Variants in AKNAD1 observed in about 807,000 individuals in gnomAD.
AKNAD1 encodes the protein AKNA domain containing 1.
A neutral mutation model predicts 90.8 loss-of-function variants in AKNAD1; 67 were observed. The observed-to-expected ratio is 0.74, with a 90% CI of 0.61 to 0.90. The LOEUF (loss-of-function observed/expected upper bound fraction) is 0.90, where lower values mean the gene tolerates loss of function less well. Ranked by LOEUF, AKNAD1 falls within the 40% of genes least tolerant of loss-of-function variation. AKNAD1 has a pLI of 0.00. For missense variants in AKNAD1, 957 were observed against 975.4 expected (o/e 0.98, Z 0.25); for synonymous variants, 327 against 341.4 (o/e 0.96, Z 0.46).
chr1:108,821,353 A>C (rs758317890), intron 13 of AKNAD1, among the ~76,000 whole-genome samples: 70 of 152,236 alleles, frequency 4.6e-4, no homozygotes, highest in Admixed American at 2.3e-3. Flanking sequence ...TGGGAGACTG[A>C]GGCATGAGAG....
At chr1:108,833,723 GTT>G (rs34193731) in intron 9 of AKNAD1, among the ~76,000 whole-genome samples, 4,495 of 143,752 alleles carry the variant, frequency 0.031, 225 homozygotes, top group African/African-American at 0.11. Flanking sequence ...TTTTCCCATG[GTT>G]TTTTTTTTTT....
chr1:108,838,704 A>G (rs1232736434), intron 6 of AKNAD1, among the ~76,000 whole-genome samples: 2 of 152,180 alleles, frequency 1.3e-5, no homozygotes, highest in Admixed American at 6.5e-5. Context: ...TGAAAAACAA[A>G]TAACATTAAG....
chr1:108,818,981 A>C (rs1663724387), intron 14 of AKNAD1, among the ~76,000 whole-genome samples: 1 of 150,790 alleles, frequency 6.6e-6, no homozygotes, highest in South Asian at 2.1e-4. Flanking sequence ...AAAAAAAAAA[A>C]CCAAGAAGTC....
Position 108,835,004 on chromosome 1 carries a change from C to A in AKNAD1, c.1589G>T (p.Ser530Ile). The change falls in exon 8 of 16, where the codon AGT becomes ATT. Residue 530 changes from serine (S) to isoleucine (I), a missense_variant. Physicochemically the swap from Ser to Ile is moderately radical, Grantham distance 142. Transcript: ENST00000370001. ...TCCTTGGGGTGTCCCTGTTACCTCA[C>A]TCCCACCTGAGCCTCGAGGCCCAGA... Reference protein sequence around the residue: ...HPSGPRGSGGSEVTGTPQGGP... With the variant: ...HPSGPRGSGGIEVTGTPQGGP... The A allele has an allele frequency of 6.4e-7, 1 of 1,568,988 alleles. No homozygotes were observed. Among genetic ancestry groups the A allele is most frequent in the Admixed American group, 2.1e-5 (1 of 47,980 alleles).
At chr1:108,831,910 A>G (rs1313439275) in intron 9 of AKNAD1, among the ~76,000 whole-genome samples, 1 of 151,962 alleles carries the variant, frequency 6.6e-6, no homozygotes, top group African/African-American at 2.4e-5. Context: ...TTTAATTGTG[A>G]GTAATTGTGT....
At chr1:108,855,277 G>T (rs1664997537) in intron 1 of AKNAD1, among the ~76,000 whole-genome samples, 1 of 152,130 alleles carries the variant, frequency 6.6e-6, no homozygotes, top group Non-Finnish European at 1.5e-5. Flanking sequence ...GCTGGGCGTG[G>T]TGGCGCACAC....
intron 13 of AKNAD1, among the ~76,000 whole-genome samples, chr1:108,821,423 C>T (rs867661966): frequency 6.6e-6 from 1 of 151,830 alleles, no homozygotes; most frequent in Non-Finnish European, 1.5e-5. Context: ...TGCACTCCAG[C>T]CTGGGTGACA....
rs372858211 is a variant in AKNAD1, at chr1:108,823,862, C to G, written c.1937-174G>C. ...CAGCCTGGGGTAACATTTGGGATTC[C>G]CTTCTGACAACTGAGAAATGTTTTG... On this transcript the variant is annotated intron_variant, in intron 11 of 15. Transcript: ENST00000370001. 4.6e-5 allele frequency among the ~76,000 whole-genome samples: 7 copies of G among 152,206 alleles called. No individual in the cohort carries two copies. The South Asian group carries it at 1.2e-3, about 27-fold the overall frequency.
chr1:108,837,796 A>G (rs1664431132), intron 6 of AKNAD1, 90 bp from the exon 7 acceptor site: 1 of 1,367,064 alleles, frequency 7.3e-7, no homozygotes, highest in South Asian at 1.3e-5. Context: ...GCATTGATTT[A>G]TATTATTAAT....
At chr1:108,843,312 T>A in intron 5 of AKNAD1, 45 bp from the exon 6 acceptor site, 1 of 1,602,332 alleles carries the variant, frequency 6.2e-7, no homozygotes, top group South Asian at 1.1e-5. Context: ...CAAGCCTGTG[T>A]GTGTAATTGT....
At chr1:108,833,199 G>GA (rs1214103320) in intron 9 of AKNAD1, among the ~76,000 whole-genome samples, 3 of 152,134 alleles carry the variant, frequency 2.0e-5, no homozygotes, top group Non-Finnish European at 4.4e-5. Flanking sequence ...AACATTAAAT[G>GA]AAAAGCATAA....
In AKNAD1 at chr1:108,850,199, A is replaced by T. The variant is rs541499527; in HGVS notation, c.994-623T>A. Among the ~76,000 whole-genome samples, 3 of 152,370 alleles carry T rather than the reference A, an allele frequency of 2.0e-5. No individual in the cohort carries two copies. The East Asian group carries it at 5.8e-4, about 29-fold the overall frequency. ...GGGGTCTTTCCTTTGTTCCCAACAC[A>T]TAAAGCTCAGAAACACGCTAGTGCT... On this transcript the variant is annotated intron_variant, in intron 2 of 15. Transcript: ENST00000370001.
intron 7 of AKNAD1, 73 bp from the exon 8 acceptor site, chr1:108,835,129 A>T: frequency 6.6e-7 from 1 of 1,521,542 alleles, no homozygotes; most frequent in Non-Finnish European, 8.8e-7. Flanking sequence ...TCAGTTCAGC[A>T]TCCCTACAGC....
At chr1:108,822,350 G>C (rs1006235762) in intron 13 of AKNAD1, among the ~76,000 whole-genome samples, 5 of 152,166 alleles carry the variant, frequency 3.3e-5, no homozygotes, top group African/African-American at 1.2e-4. Flanking sequence ...TTAGCTAATG[G>C]AGTTCAAGAT....
chr1:108,834,161 T>TA (rs138757459), intron 9 of AKNAD1, among the ~76,000 whole-genome samples: 1,773 of 152,202 alleles, frequency 0.012, 21 homozygotes, highest in Non-Finnish European at 0.02. Context: ...GCCCCAAACT[T>TA]ACTGATTCAG....
intron 1 of AKNAD1, among the ~76,000 whole-genome samples, chr1:108,856,082 A>G (rs72697202): frequency 0.12 from 18,743 of 151,742 alleles, 1,268 homozygotes; most frequent in Middle Eastern, 0.16. Context: ...CGAACTCCTG[A>G]GCACAAGTAA....
chr1:108,832,760 A>G (rs1664250210), intron 9 of AKNAD1, among the ~76,000 whole-genome samples: 1 of 152,198 alleles, frequency 6.6e-6, no homozygotes, highest in African/African-American at 2.4e-5. Flanking sequence ...AGTTTCAAAA[A>G]TAGCAAGATT....
chr1:108,852,137 C>G lies in AKNAD1; in HGVS notation c.528G>C (p.Arg176Ser), dbSNP rs1212674940. Residue 176 changes from arginine (R) to serine (S), a missense_variant, in exon 2 of 16, where the codon AGG becomes AGC. Physicochemically the swap from Arg to Ser is moderately radical, Grantham distance 110. Transcript: ENST00000370001. ...PELTDQLNPK[R>S]DGENSNKPGS... ...CAGGCTTATTGCTGTTTTCACCATCCCTTTTCGGGTTGAGTTGGTCAGTGA... is the reference window on the plus strand; with the variant it reads ...CAGGCTTATTGCTGTTTTCACCATCGCTTTTCGGGTTGAGTTGGTCAGTGA... 7 of 1,614,090 alleles carry G rather than the reference C, an allele frequency of 4.3e-6. No homozygotes were observed. The East Asian group carries it at 6.7e-5, about 15-fold the overall frequency.
chr1:108,843,271 C>A lies in AKNAD1; in HGVS notation c.1246-4G>T. On this transcript the variant is annotated splice_polypyrimidine_tract_variant and splice_region_variant and intron_variant, in intron 5 of 15. Transcript: ENST00000370001. ...GTCCCTGCAGTTTCTCCAGGACCTG[C>A]AGCGGTGAAGTCACTGGAATCATTC... 1 of 1,613,164 alleles carries A rather than the reference C, an allele frequency of 6.2e-7. No homozygotes were observed. Among genetic ancestry groups the A allele is most frequent in the Non-Finnish European group, 8.5e-7 (1 of 1,179,738 alleles).
Sources: gnomAD v4.1 joint callset for allele counts (sites outside exome capture counted in the v4.1 genomes callset) on GRCh38, gnomAD v4.1.1 for gene constraint, MANE v1.5 for transcripts, NCBI Gene and HGNC (gene_info 2026-07-23, HGNC 2026-07-21) for gene names.